The following POLR2F variants were observed in gnomAD, a reference collection of about 807,000 sequenced individuals.
The protein encoded by POLR2F is RNA polymerase II, I and III subunit F.
POLR2F carries 12 observed loss-of-function variants against 22.7 expected under a neutral mutation model. The ratio of observed to expected loss-of-function variants is 0.53; its 90% CI spans 0.34 to 0.86. POLR2F has a LOEUF of 0.86. Among genes scored for constraint, POLR2F ranks in the 40% least tolerant of loss-of-function variants. The probability of loss-of-function intolerance (pLI) is 0.02; values close to 1 mark genes in which losing one functional copy is unlikely to be tolerated. For synonymous variants in POLR2F, 57 were observed against 66.0 expected (o/e 0.86, Z 0.66); for missense variants, 126 against 171.5 (o/e 0.73, Z 1.48).
At chr22:38,015,449 G>T (rs1445092974) in intron 1 of POLR2F, among the ~76,000 whole-genome samples, 1 of 152,188 alleles carries the variant, frequency 6.6e-6, no homozygotes, top group African/African-American at 2.4e-5. Flanking sequence ...ATGTGATCTG[G>T]GGGAAGGAAG....
intron 1 of POLR2F, among the ~76,000 whole-genome samples, chr22:38,012,292 G>T (rs774977548): frequency 1.3e-4 from 20 of 152,078 alleles, no homozygotes; most frequent in Non-Finnish European, 2.5e-4. Context: ...ATATTGGCCA[G>T]GCTGGTCTCG....
At position 37,953,802 on chromosome 22, in the gene POLR2F, G is replaced by A. The variant is rs1601858378; in HGVS notation, c.15G>A (p.Glu5=). 1 of 1,609,850 alleles carries A rather than the reference G, an allele frequency of 6.2e-7. No homozygotes were observed. The highest frequency in any genetic ancestry group is 1.3e-5 in the African/African-American group (1 of 74,994). The change falls in exon 1 of 5, where the codon GAG becomes GAA. Residue 5 remains glutamate (E), a synonymous_variant. Coordinates refer to ENST00000442738, the MANE Select transcript of POLR2F (RefSeq NM_021974.5). MSDN[E]DNFDGDDFDD... is the part of the protein sequence containing the mutation. The stretch of plus-strand genomic sequence containing the variant: ...GCGAGGGTGTCATGTCAGACAACGA[G>A]GACAAGTGAGTGCGGGAGCGGAGTG...
chr22:38,038,793 C>T (rs1275764093), intron 5 of POLR2F, among the ~76,000 whole-genome samples: 1 of 151,798 alleles, frequency 6.6e-6, no homozygotes, highest in Admixed American at 6.6e-5. Context: ...CTCCTCCCCC[C>T]GCCGGCGCCC....
intron 1 of POLR2F, among the ~76,000 whole-genome samples, chr22:38,004,533 AG>A (rs1216647735): frequency 2.0e-5 from 3 of 151,416 alleles, no homozygotes; most frequent in Non-Finnish European, 4.4e-5. Context: ...AAGAGATGGC[AG>A]GCAGTCCTGA....
intron 5 of POLR2F, among the ~76,000 whole-genome samples, chr22:38,037,337 A>C (rs2085126055): frequency 6.6e-6 from 1 of 151,540 alleles, no homozygotes; most frequent in Non-Finnish European, 1.5e-5. Flanking sequence ...GCAGTGGCGC[A>C]ATCTTGGCTC....
chr22:37,973,403 C>T, downstream of POLR2F: 1 of 854,252 alleles, frequency 1.2e-6, no homozygotes, highest in Non-Finnish European at 1.8e-6. Context: ...CAGCCTCCTC[C>T]ACTGCCACCA....
upstream of POLR2F, among the ~76,000 whole-genome samples, chr22:37,982,883 C>T (rs1181662018): frequency 2.6e-5 from 4 of 152,218 alleles, no homozygotes; most frequent in East Asian, 7.7e-4. Context: ...CAAAGACTCT[C>T]ATCTGAATTC....
At chr22:37,962,942 G>A (rs1601868954) in intron 3 of POLR2F, among the ~76,000 whole-genome samples, 1 of 151,466 alleles carries the variant, frequency 6.6e-6, no homozygotes, top group East Asian at 2.0e-4. Context: ...TGCCTGCCTC[G>A]GCCTCCCAAA....
rs572305816 is a variant in POLR2F, at chr22:37,978,637, G to C, written c.293+11467G>C. 6.6e-6 allele frequency among the ~76,000 whole-genome samples: 1 copy of C among 152,310 alleles called. No homozygotes were observed. The highest frequency in any genetic ancestry group is 6.5e-5 in the Admixed American group (1 of 15,304). ...GACCTTGAGCAAATTACTTCTCTGA[G>C]CCTGAGTTTCTTCACCTATAAAAGG... On this transcript the variant is annotated intron_variant, in intron 4 of 4. Transcript: ENST00000405557. This position sits in a 1 kb window ranked among gnomAD's most constrained non-coding sequence, Gnocchi z 5.0.
At chr22:37,999,446 C>T (rs996835413) in intron 1 of POLR2F, among the ~76,000 whole-genome samples, 11 of 152,252 alleles carry the variant, frequency 7.2e-5, no homozygotes, top group Admixed American at 7.2e-4. Context: ...AGCAGGTCTC[C>T]TGACATCCGA....
At chr22:38,023,799 A>C (rs1322319195) in intron 1 of POLR2F, among the ~76,000 whole-genome samples, 2 of 150,078 alleles carry the variant, frequency 1.3e-5, no homozygotes, top group East Asian at 2.0e-4. Context: ...CAGCCTCCCG[A>C]GAAGCTGGGA....
intron 1 of POLR2F, among the ~76,000 whole-genome samples, chr22:37,990,628 A>T (rs1932706409): frequency 6.6e-6 from 1 of 152,214 alleles, no homozygotes; most frequent in African/African-American, 2.4e-5. Context: ...GGAGAGACCG[A>T]TGTAGAAACC....
downstream of POLR2F, among the ~76,000 whole-genome samples, chr22:38,029,079 G>A (rs779731141): frequency 2.6e-5 from 4 of 152,174 alleles, no homozygotes; most frequent in Non-Finnish European, 5.9e-5. Context: ...TCTGAGGAGA[G>A]ACTGCTGTGG....
At chr22:37,975,470 C>T (rs1301527543) in intron 4 of POLR2F, among the ~76,000 whole-genome samples, 1 of 152,126 alleles carries the variant, frequency 6.6e-6, no homozygotes, top group African/African-American at 2.4e-5. Flanking sequence ...TCCAGGGTCT[C>T]CTGATGTGTG....
chr22:37,985,995 AC>A, upstream of POLR2F: 2 of 1,117,662 alleles, frequency 1.8e-6, no homozygotes, highest in Non-Finnish European at 2.3e-6. Flanking sequence ...CCTCGACGCC[AC>A]CCCCGGCGCT....
intron 3 of POLR2F, among the ~76,000 whole-genome samples, chr22:37,965,517 C>T (rs1478477865): frequency 1.3e-5 from 2 of 152,116 alleles, no homozygotes; most frequent in Non-Finnish European, 2.9e-5. Context: ...GAGTGAATGC[C>T]CTTGAATTAT....
rs1438437621 is a variant in POLR2F, at chr22:37,980,342, C to A, written c.293+13172C>A. On this transcript the variant is annotated intron_variant, in intron 4 of 4. Transcript: ENST00000405557. The surrounding 1 kb of genome is among the most constrained non-coding windows in gnomAD (Gnocchi z 4.1). ...CTGGGGACATGGGACACAGAGCTCA[C>A]TCTTTCACCTATCCTTCCCTTGCCC... 1.3e-5 allele frequency among the ~76,000 whole-genome samples: 2 copies of A among 152,172 alleles called. No individual in the cohort carries two copies. The highest frequency in any genetic ancestry group is 2.4e-5 in the African/African-American group (1 of 41,428).
Position 37,956,763 on chromosome 22 carries a change from TC to T in POLR2F, c.21-8del, listed in dbSNP as rs757835689. 25 of 1,610,756 alleles carry T rather than the reference TC, an allele frequency of 1.6e-5. No homozygotes were observed. Among genetic ancestry groups the T allele is most frequent in the Non-Finnish European group, 2.1e-5 (25 of 1,176,914 alleles). ...ATGCTCTAAGTAACTGATCTCTTCT[TC>T]CTGTACAGTTTTGATGGCGACGACT... On this transcript the variant is annotated splice_polypyrimidine_tract_variant and intron_variant, in intron 1 of 4. Coordinates refer to ENST00000442738, the MANE Select transcript of POLR2F (RefSeq NM_021974.5).
chr22:38,037,439 A>ATTTTTTTTTTTTT (rs10624395), intron 5 of POLR2F, among the ~76,000 whole-genome samples: 1 of 124,206 alleles, frequency 8.1e-6, no homozygotes, highest in African/African-American at 3.2e-5. Flanking sequence ...ATGCTCGGCT[A>ATTTTTTTTTTTTT]TTTTTTTTTT....
Sources: allele counts gnomAD v4.1 joint callset (sites outside exome capture counted in the v4.1 genomes callset), GRCh38; gene constraint gnomAD v4.1.1; non-coding constraint Gnocchi (gnomAD v3.1); transcripts MANE v1.5; gene names NCBI Gene and HGNC (gene_info 2026-07-23, HGNC 2026-07-21).